CA12: variants seen among roughly 807,000 people sequenced by gnomAD.
CA12 encodes carbonate dehydratase XII.
In CA12, 36 loss-of-function variants were observed where a neutral mutation model predicts 46.8. The observed-to-expected ratio is 0.77, with a 90% confidence interval of 0.59 to 1.02. The LOEUF is 1.02. Ranked by LOEUF, CA12 falls within the 50% of genes least tolerant of loss-of-function variation. The pLI is 0.00. For missense variants in CA12, 436 were observed against 451.4 expected (o/e 0.97, Z 0.31); for synonymous variants, 202 against 187.0 (o/e 1.08, Z -0.65).
chr15:63,368,520 C>T (rs2039463120), intron 2 of CA12, among the ~76,000 whole-genome samples: 4 of 152,244 alleles, frequency 2.6e-5, no homozygotes, highest in South Asian at 2.1e-4. Context: ...CCCACTCATG[C>T]TTTGAATTCA....
At chr15:63,359,316 C>T (rs529332136) in intron 2 of CA12, among the ~76,000 whole-genome samples, 1 of 152,076 alleles carries the variant, frequency 6.6e-6, no homozygotes, top group Non-Finnish European at 1.5e-5. Flanking sequence ...AAAGCTCCCC[C>T]CAACCCTCTA....
chr15:63,337,602 A>G (rs1189856975), intron 8 of CA12, among the ~76,000 whole-genome samples: 1 of 152,118 alleles, frequency 6.6e-6, no homozygotes, highest in Non-Finnish European at 1.5e-5. Flanking sequence ...GATTACAGGC[A>G]TGTGCCACCA....
At chr15:63,376,938 C>A (rs1203635647) in intron 1 of CA12, among the ~76,000 whole-genome samples, 1 of 152,140 alleles carries the variant, frequency 6.6e-6, no homozygotes, top group Non-Finnish European at 1.5e-5. Context: ...CCACAGCACC[C>A]AGCTGGGAAA....
chr15:63,351,961 G>A (rs2039237971), intron 2 of CA12, among the ~76,000 whole-genome samples: 1 of 152,196 alleles, frequency 6.6e-6, no homozygotes, highest in Non-Finnish European at 1.5e-5. Context: ...GTTTTTTTAA[G>A]CTCATTTCAG....
chr15:63,351,155 G>A (rs1183541392), intron 2 of CA12, among the ~76,000 whole-genome samples: 2 of 152,184 alleles, frequency 1.3e-5, no homozygotes, highest in African/African-American at 4.8e-5. Context: ...ACAGCTTGAT[G>A]GTGGAATGCC....
chr15:63,377,607 C>T (rs2039593659), intron 1 of CA12, among the ~76,000 whole-genome samples: 1 of 152,052 alleles, frequency 6.6e-6, no homozygotes, highest in African/African-American at 2.4e-5. Flanking sequence ...TCAAATTACA[C>T]TTGCACGTGG....
rs1392186792 is a variant in CA12 at position 63,338,856 on chromosome 15, C to T, written c.837G>A (p.Lys279=). ...AGGTGTATACCAGCCTCTCATCGAA[C>T]TTCTGGACCTGCCGGAAGTTGTTGA... is the stretch of plus-strand genomic sequence containing the variant. ...EMINNFRQVQ[K]FDERLVYTSF... The change falls in exon 8 of 11, where the codon AAG becomes AAA. Residue 279 remains lysine (K), a synonymous_variant. Coordinates refer to ENST00000178638, the MANE Select transcript of CA12 (RefSeq NM_001218.5). 1.9e-6 allele frequency: 3 copies of T among 1,614,218 alleles called. No homozygotes were observed. Among genetic ancestry groups the T allele is most frequent in the Non-Finnish European group, 2.5e-6 (3 of 1,180,038 alleles).
chr15:63,375,960 C>A (rs2039565941), intron 1 of CA12, among the ~76,000 whole-genome samples: 1 of 152,080 alleles, frequency 6.6e-6, no homozygotes, highest in Non-Finnish European at 1.5e-5. Context: ...CAGGCACGCA[C>A]CGTCACGCCT....
rs548951857 is a variant in CA12, at chr15:63,355,188, C to G, written c.107-8479G>C. 6.8e-4 allele frequency among the ~76,000 whole-genome samples: 103 copies of G among 152,258 alleles called. No individual in the cohort carries two copies. The highest frequency in any genetic ancestry group is 3.4e-3 in the Middle Eastern group (1 of 294). On this transcript the variant is annotated intron_variant, in intron 2 of 10. Coordinates refer to ENST00000178638, the MANE Select transcript of CA12 (RefSeq NM_001218.5). The surrounding 1 kb of genome is among the most constrained non-coding windows in gnomAD (Gnocchi z 4.1). ...CCACCCCTCCTTTTCGTTCCAGCAGCGCTGAGCTGCTTGCATCCTGCAGAC... is the reference window on the plus strand; with the variant it reads ...CCACCCCTCCTTTTCGTTCCAGCAGGGCTGAGCTGCTTGCATCCTGCAGAC...
chr15:63,342,212 C>A (rs113312684), intron 4 of CA12, 115 bp from the exon 5 acceptor site: 5 of 729,348 alleles, frequency 6.9e-6, no homozygotes, highest in Non-Finnish European at 1.2e-5. Flanking sequence ...CTCAGCCCCC[C>A]AGACTAGGTT....
At position 63,330,465 on chromosome 15, in the gene CA12, C is replaced by A. The variant is rs1230427686; in HGVS notation, c.875-2335G>T. 1.3e-5 allele frequency among the ~76,000 whole-genome samples: 2 copies of A among 152,214 alleles called. No homozygotes were observed. The highest frequency in any genetic ancestry group is 4.8e-5 in the African/African-American group (2 of 41,460). On this transcript the variant is annotated intron_variant, in intron 8 of 10. Transcript: ENST00000178638. The surrounding 1 kb of genome is among the most constrained non-coding windows in gnomAD (Gnocchi z 4.0). The stretch of plus-strand genomic sequence containing the variant: ...AGATGCTTGTGGTGCCAAACCAGTT[C>A]TCGCCACCTGAAGACTATTACTAGG...
In CA12 at chr15:63,340,825, A is replaced by G; in HGVS notation, c.526-42T>C. On this transcript the variant is annotated intron_variant, in intron 5 of 10. Coordinates refer to ENST00000178638, the MANE Select transcript of CA12 (RefSeq NM_001218.5). The surrounding 1 kb of genome is among the most constrained non-coding windows in gnomAD (Gnocchi z 4.4). Reference sequence around the variant, plus strand: ...GCAGGTTAAACTGGGACAGAACAGGATAGGCTGAGCCAGGATTGACGATTG... The same window carrying G: ...GCAGGTTAAACTGGGACAGAACAGGGTAGGCTGAGCCAGGATTGACGATTG... 6.4e-7 allele frequency: 1 copy of G among 1,571,338 alleles called. No individual in the cohort carries two copies. The highest frequency in any genetic ancestry group is 8.8e-7 in the Non-Finnish European group (1 of 1,140,990).
At position 63,325,945 on chromosome 15, in the gene CA12, G is replaced by C. The variant is rs1018662446; in HGVS notation, c.*340C>G. ...ACACTTGAAAGCACGCTCTGGCAAA[G>C]CCCCGGATGAAAGTGTTTTCCAACC... On this transcript the variant is annotated 3_prime_UTR_variant, in exon 11 of 11. Coordinates refer to ENST00000178638, the MANE Select transcript of CA12 (RefSeq NM_001218.5). This position sits in a 1 kb window ranked among gnomAD's most constrained non-coding sequence, Gnocchi z 4.9. The C allele has an allele frequency of 3.1e-6, 1 of 323,766 alleles. No homozygotes were observed. The highest frequency in any genetic ancestry group is 2.1e-5 in the African/African-American group (1 of 47,436). 20.1% of individuals were successfully genotyped at this position (323,766 alleles called of 1,614,324 possible).
intron 3 of CA12, 115 bp downstream of exon 3, chr15:63,346,415 A>ACCC: frequency 1.9e-5 from 7 of 370,854 alleles, no homozygotes; most frequent in Admixed American, 1.2e-4. Flanking sequence ...GCCCCGCCCC[A>ACCC]CCCCTCCTCC....
rs752742837 is a variant in CA12 at position 63,338,853 on chromosome 15, G to C, written c.840C>G (p.Phe280Leu). The change falls in exon 8 of 11, where the codon TTC becomes TTG. Residue 280 changes from phenylalanine to leucine, a missense_variant. Physicochemically the swap from Phe to Leu is conservative, Grantham distance 22. Coordinates refer to ENST00000178638, the MANE Select transcript of CA12 (RefSeq NM_001218.5). Reference protein sequence around the residue: ...MINNFRQVQKFDERLVYTSFS... With the variant: ...MINNFRQVQKLDERLVYTSFS... ...AGGAGGTGTATACCAGCCTCTCATC[G>C]AACTTCTGGACCTGCCGGAAGTTGT... is the stretch of plus-strand genomic sequence containing the variant. 2 of 1,614,110 alleles carry C rather than the reference G, an allele frequency of 1.2e-6. No individual in the cohort carries two copies. Among genetic ancestry groups the C allele is most frequent in the East Asian group, 4.5e-5 (2 of 44,880 alleles).
At position 63,339,020 on chromosome 15, in the gene CA12, C is replaced by T; in HGVS notation, c.748-75G>A. The T allele has an allele frequency of 1.3e-6, 2 of 1,582,010 alleles. No individual in the cohort carries two copies. Among genetic ancestry groups the T allele is most frequent in the South Asian group, 1.1e-5 (1 of 88,556 alleles). ...GATCCCCTGGGAAGAGGCTAGCTCTCCGCTCTTGCACCTGGGAGAAGCCTC... is the reference window on the plus strand; with the variant it reads ...GATCCCCTGGGAAGAGGCTAGCTCTTCGCTCTTGCACCTGGGAGAAGCCTC... On this transcript the variant is annotated intron_variant, in intron 7 of 10. Transcript: ENST00000178638. This position sits in a 1 kb window ranked among gnomAD's most constrained non-coding sequence, Gnocchi z 4.3.
rs563277931 is a variant in CA12, at chr15:63,322,840, A to G, written c.*3445T>C. On this transcript the variant is annotated 3_prime_UTR_variant, in exon 11 of 11. Transcript: ENST00000178638. The surrounding 1 kb of genome is among the most constrained non-coding windows in gnomAD (Gnocchi z 4.1). ...AGTACAGACCATCAGAAATGTTTCA[A>G]TTCCAAAGCTGGGCCAGGTACTGTC... is the stretch of plus-strand genomic sequence containing the variant. 7.2e-5 allele frequency: 11 copies of G among 152,388 alleles called. No individual in the cohort carries two copies. The South Asian group carries it at 1.4e-3, about 20-fold the overall frequency. 9.4% of individuals were successfully genotyped at this position (152,388 alleles called of 1,614,324 possible).
At chr15:63,349,368 G>C (rs2039196055) in intron 2 of CA12, among the ~76,000 whole-genome samples, 1 of 152,168 alleles carries the variant, frequency 6.6e-6, no homozygotes, top group African/African-American at 2.4e-5. Flanking sequence ...CGGGAATGAG[G>C]GCACAGGGCA....
rs117233840 is a variant in CA12, at chr15:63,328,953, G to A, written c.875-823C>T. On this transcript the variant is annotated intron_variant, in intron 8 of 10. Coordinates refer to ENST00000178638, the MANE Select transcript of CA12 (RefSeq NM_001218.5). The surrounding 1 kb of genome is among the most constrained non-coding windows in gnomAD (Gnocchi z 5.9). The stretch of plus-strand genomic sequence containing the variant: ...TGATCTCAAGTGATCCACCTGCCTC[G>A]GCCTCCCAAACTATGGGGATTACAG... 1.6e-3 allele frequency among the ~76,000 whole-genome samples: 247 copies of A among 152,294 alleles called. 5 individuals carry two copies. The East Asian group carries it at 0.038, about 23-fold the overall frequency.
Sources: gnomAD v4.1 joint callset for allele counts (sites outside exome capture counted in the v4.1 genomes callset) on GRCh38, gnomAD v4.1.1 for gene constraint, Gnocchi (gnomAD v3.1) non-coding constraint, MANE v1.5 for transcripts, NCBI Gene and HGNC (gene_info 2026-07-23, HGNC 2026-07-21) for gene names.